The following CRTC3 variants were observed in gnomAD, a reference collection of about 807,000 sequenced individuals.
CRTC3 encodes CREB regulated transcription coactivator 3.
CRTC3 carries 26 observed loss-of-function variants against 74.5 expected under a neutral mutation model. That is an observed-to-expected ratio of 0.35 (90% CI 0.26 to 0.48). The LOEUF (loss-of-function observed/expected upper bound fraction) is 0.48, where lower values mean the gene tolerates loss of function less well. Among genes scored for constraint, CRTC3 ranks in the 20% least tolerant of loss-of-function variants. The probability of loss-of-function intolerance (pLI) is 0.99; values close to 1 mark genes in which losing one functional copy is unlikely to be tolerated. For synonymous variants in CRTC3, 377 were observed against 325.8 expected (o/e 1.16, Z -1.69); for missense variants, 760 against 787.3 (o/e 0.97, Z 0.41).
At chr15:90,550,410 C>CA (rs1402654418) in intron 2 of CRTC3, among the ~76,000 whole-genome samples, 74 of 129,032 alleles carry the variant, frequency 5.7e-4, no homozygotes, top group Admixed American at 1.4e-3. Flanking sequence ...AACTCCGTCT[C>CA]AAAAAAAAAA....
At chr15:90,536,100 A>C (rs1457318861) in intron 1 of CRTC3, among the ~76,000 whole-genome samples, 1 of 152,148 alleles carries the variant, frequency 6.6e-6, no homozygotes, top group Non-Finnish European at 1.5e-5. Flanking sequence ...TGGCCATATA[A>C]GTGTTGGTTT....
chr15:90,644,639 C>G lies in CRTC3; in HGVS notation c.*2499C>G, dbSNP rs1596160969. On this transcript the variant is annotated 3_prime_UTR_variant, in exon 15 of 15. Coordinates refer to ENST00000268184, the MANE Select transcript of CRTC3 (RefSeq NM_022769.5). Reference sequence around the variant, plus strand: ...TTTGTCCTTAGGTCTATGAGTGAGTCCGATCTTTTCTTGTGAAAGGTTTTG... The same window carrying G: ...TTTGTCCTTAGGTCTATGAGTGAGTGCGATCTTTTCTTGTGAAAGGTTTTG... 8.6e-6 allele frequency: 2 copies of G among 232,276 alleles called. No homozygotes were observed. Among genetic ancestry groups the G allele is most frequent in the South Asian group, 3.6e-4 (2 of 5,526 alleles). The allele number at this position is 232,276 out of a possible 1,614,324, so 14.4% of individuals were successfully genotyped here.
chr15:90,585,352 C>G (rs1235758368), intron 2 of CRTC3, among the ~76,000 whole-genome samples: 2 of 152,096 alleles, frequency 1.3e-5, no homozygotes, highest in Admixed American at 1.3e-4. Flanking sequence ...GCTATGCTGC[C>G]CAGGCTGGTC....
chr15:90,638,312 T>G (rs970685859), intron 11 of CRTC3, 134 bp from the exon 12 acceptor site: 10 of 674,152 alleles, frequency 1.5e-5, no homozygotes, highest in Non-Finnish European at 1.8e-5. Context: ...GAAACGGGCT[T>G]CTCACAGCAT....
At chr15:90,607,648 G>A (rs1373927306) in intron 6 of CRTC3, among the ~76,000 whole-genome samples, 170 bp downstream of exon 6, 1 of 152,158 alleles carries the variant, frequency 6.6e-6, no homozygotes, top group Non-Finnish European at 1.5e-5. Context: ...GATGGATGGA[G>A]CTCCCAGCGT....
chr15:90,538,343 G>A (rs920343099), intron 1 of CRTC3, among the ~76,000 whole-genome samples: 1 of 151,858 alleles, frequency 6.6e-6, no homozygotes. Flanking sequence ...ACACCATGTC[G>A]TCCTCCTCAT....
intron 7 of CRTC3, among the ~76,000 whole-genome samples, chr15:90,616,744 C>G (rs1968503485): frequency 6.6e-6 from 1 of 152,218 alleles, no homozygotes; most frequent in South Asian, 2.1e-4. Flanking sequence ...CTTGTTTTAC[C>G]TGGCACGACT....
chr15:90,604,220 A>G (rs982748275), intron 4 of CRTC3, 165 bp from the exon 5 acceptor site: 15 of 609,404 alleles, frequency 2.5e-5, no homozygotes, highest in Non-Finnish European at 6.0e-6. Flanking sequence ...GTCTTACCTC[A>G]TTTTAACAAT....
intron 6 of CRTC3, among the ~76,000 whole-genome samples, chr15:90,607,867 G>GT (rs1292474646): frequency 2.6e-5 from 4 of 152,224 alleles, no homozygotes; most frequent in African/African-American, 7.2e-5. Flanking sequence ...ACAACTAGAA[G>GT]TGACAGTCAG....
chr15:90,571,820 T>C (rs948088831), intron 2 of CRTC3, among the ~76,000 whole-genome samples: 2 of 152,154 alleles, frequency 1.3e-5, no homozygotes, highest in African/African-American at 2.4e-5. Context: ...ATACATATTT[T>C]CTTTCTACAC....
chr15:90,626,071 C>T (rs1180759863), intron 10 of CRTC3, 78 bp downstream of exon 10: 2 of 1,051,498 alleles, frequency 1.9e-6, no homozygotes, highest in Non-Finnish European at 3.0e-6. Flanking sequence ...TTCAGTGAAT[C>T]ATTGAATGAG....
intron 2 of CRTC3, among the ~76,000 whole-genome samples, chr15:90,556,584 G>C (rs1966894633): frequency 6.6e-6 from 1 of 152,162 alleles, no homozygotes; most frequent in Admixed American, 6.5e-5. Context: ...GCTGGTGAGT[G>C]ACCAAGGCTG....
chr15:90,565,489 C>T (rs1283991605), intron 2 of CRTC3, among the ~76,000 whole-genome samples: 1 of 152,134 alleles, frequency 6.6e-6, no homozygotes, highest in Non-Finnish European at 1.5e-5. Flanking sequence ...GCAATGTGCT[C>T]TTGTATACAG....
At chr15:90,618,433 C>T (rs1968552131) in intron 8 of CRTC3, among the ~76,000 whole-genome samples, 1 of 152,198 alleles carries the variant, frequency 6.6e-6, no homozygotes, top group Non-Finnish European at 1.5e-5. Flanking sequence ...ATCTGTTTTA[C>T]TATGATTTCC....
At chr15:90,561,634 T>G (rs1474210771) in intron 2 of CRTC3, among the ~76,000 whole-genome samples, 2 of 152,168 alleles carry the variant, frequency 1.3e-5, no homozygotes, top group Non-Finnish European at 2.9e-5. Flanking sequence ...GAAGCAATCC[T>G]CTTACCTATC....
intron 2 of CRTC3, among the ~76,000 whole-genome samples, chr15:90,574,195 T>C (rs1257921975): frequency 6.6e-6 from 1 of 152,168 alleles, no homozygotes; most frequent in Non-Finnish European, 1.5e-5. Context: ...TATAAACTTA[T>C]TGGCCGGGCG....
In CRTC3 at chr15:90,600,686, G is replaced by A. The variant is rs530037507; in HGVS notation, c.352-1638G>A. On this transcript the variant is annotated intron_variant, in intron 3 of 14. Coordinates refer to ENST00000268184, the MANE Select transcript of CRTC3 (RefSeq NM_022769.5). ...TGAGGTTAAATAAAGTGTGAACTCA[G>A]CACAGGCCTGGCACACAGTAGGTGC... is the stretch of plus-strand genomic sequence containing the variant. The A allele has an allele frequency of 3.3e-5, 5 of 152,214 alleles. No individual in the cohort carries two copies. The South Asian group carries it at 1.0e-3, about 32-fold the overall frequency. The allele number at this position is 152,214 out of a possible 1,614,324, so 9.4% of individuals were successfully genotyped here.
At chr15:90,547,371 T>C (rs182495575) in intron 2 of CRTC3, among the ~76,000 whole-genome samples, 191 of 152,340 alleles carry the variant, frequency 1.3e-3, no homozygotes, top group South Asian at 4.4e-3. Flanking sequence ...ACTTTGGAGT[T>C]TACAAAATGC....
At chr15:90,630,478 G>A (rs917637644) in intron 11 of CRTC3, among the ~76,000 whole-genome samples, 14 of 152,184 alleles carry the variant, frequency 9.2e-5, no homozygotes, top group Non-Finnish European at 1.6e-4. Flanking sequence ...AGCTGGGTGT[G>A]GTGGCACACG....
Sources: allele counts gnomAD v4.1 joint callset (sites outside exome capture counted in the v4.1 genomes callset), GRCh38; gene constraint gnomAD v4.1.1; transcripts MANE v1.5; gene names NCBI Gene and HGNC (gene_info 2026-07-23, HGNC 2026-07-21).